The following ABHD12B variants were observed in gnomAD, a reference collection of about 807,000 sequenced individuals.
ABHD12B encodes abhydrolase domain containing 12B, also known as protein ABHD12B.
A neutral mutation model predicts 50.4 loss-of-function variants in ABHD12B; 42 were observed. That is an observed-to-expected ratio of 0.83 (90% CI 0.65 to 1.08). The LOEUF is 1.08. Ranked by LOEUF, ABHD12B falls within the 50% of genes least tolerant of loss-of-function variation. The pLI, the probability that ABHD12B is intolerant of heterozygous loss-of-function variation, is 0.00. For missense variants in ABHD12B, 479 were observed against 447.7 expected (o/e 1.07, Z -0.63); for synonymous variants, 167 against 160.3 (o/e 1.04, Z -0.32).
intron 4 of ABHD12B, 86 bp from the exon 5 acceptor site, chr14:50,881,510 A>G (rs1190564062): frequency 6.9e-7 from 1 of 1,452,906 alleles, no homozygotes; most frequent in East Asian, 2.3e-5. Flanking sequence ...ATCAGATACC[A>G]GCAGCACGAG....
rs1351795018 is a variant in ABHD12B, at chr14:50,884,719, T to C, written c.487-895T>C. On this transcript the variant is annotated intron_variant, in intron 5 of 12. Coordinates refer to ENST00000337334, the MANE Select transcript of ABHD12B (RefSeq NM_001206673.2). ...TATTTCTTCTTTTTTTTTTTTTTTT[T>C]TTTTTTTTTTTTTTTGAGACAGAGT... Among the ~76,000 whole-genome samples, 21 of 137,860 alleles carry C rather than the reference T, an allele frequency of 1.5e-4. 3 individuals are homozygous for C. The highest frequency in any genetic ancestry group is 4.2e-4 in the East Asian group (2 of 4,810). The allele number at this position is 137,860 out of a possible 152,430, so 90.4% of individuals were successfully genotyped here.
chr14:50,882,650 G>A (rs1018910602), intron 5 of ABHD12B, among the ~76,000 whole-genome samples: 1 of 151,884 alleles, frequency 6.6e-6, no homozygotes, highest in Non-Finnish European at 1.5e-5. Context: ...AGAGTGCTGG[G>A]ATTACAGGCA....
chr14:50,894,932 C>T (rs1566492746), intron 9 of ABHD12B, among the ~76,000 whole-genome samples: 1 of 149,224 alleles, frequency 6.7e-6, no homozygotes, highest in Non-Finnish European at 1.5e-5. Context: ...CGCCTCCCCT[C>T]CTCACACCTG....
At position 50,872,227 on chromosome 14, in the gene ABHD12B, C is replaced by G. The variant is rs2049795023; in HGVS notation, c.53C>G (p.Pro18Arg). Residue 18 changes from proline (P) to arginine (R), a missense_variant, in exon 1 of 13, where the codon CCA becomes CGA. Coordinates refer to ENST00000337334, the MANE Select transcript of ABHD12B (RefSeq NM_001206673.2). Reference sequence around the variant, plus strand: ...GCATCGCCCGAGCCGCCCGGGCCCCCAGCCCGTAGCTGCGTGGCCGCCTGG... The same window carrying G: ...GCATCGCCCGAGCCGCCCGGGCCCCGAGCCCGTAGCTGCGTGGCCGCCTGG... ...AAASPEPPGPPARSCVAAWWD... is the reference protein window; with the variant it reads ...AAASPEPPGPRARSCVAAWWD... 2 of 1,391,868 alleles carry G rather than the reference C, an allele frequency of 1.4e-6. No individual in the cohort carries two copies. Among genetic ancestry groups the G allele is most frequent in the East Asian group, 3.1e-5 (1 of 32,394 alleles). 86.2% of individuals were successfully genotyped at this position (1,391,868 alleles called of 1,614,324 possible). A position where few individuals can be genotyped will look rare whatever the true frequency, so the allele number is the denominator to read the frequency against.
intron 9 of ABHD12B, among the ~76,000 whole-genome samples, chr14:50,898,166 C>T (rs749913265): frequency 3.3e-5 from 5 of 152,194 alleles, no homozygotes; most frequent in African/African-American, 9.7e-5. Flanking sequence ...CTTTCGCACT[C>T]GTTATTCTTT....
intron 1 of ABHD12B, among the ~76,000 whole-genome samples, chr14:50,873,552 C>T (rs1408951920): frequency 6.6e-6 from 1 of 152,180 alleles, no homozygotes; most frequent in East Asian, 1.9e-4. Context: ...TTGCAGACAG[C>T]AGAGTGCTGG....
intron 5 of ABHD12B, among the ~76,000 whole-genome samples, chr14:50,884,377 G>A (rs976726486): frequency 6.6e-6 from 1 of 152,140 alleles, no homozygotes. Flanking sequence ...ATATGTAAAA[G>A]GTATATTTAG....
intron 9 of ABHD12B, among the ~76,000 whole-genome samples, chr14:50,898,117 T>C (rs764820715): frequency 6.6e-6 from 1 of 152,246 alleles, no homozygotes; most frequent in Non-Finnish European, 1.5e-5. Flanking sequence ...TTCTACGTTA[T>C]AAACTGCCTG....
chr14:50,875,514 G>T (rs76380835), intron 1 of ABHD12B, among the ~76,000 whole-genome samples: 2 of 152,166 alleles, frequency 1.3e-5, no homozygotes, highest in African/African-American at 4.8e-5. Context: ...CCTGTGGGAC[G>T]CTGTGTGGTT....
chr14:50,888,897 G>A lies in ABHD12B; in HGVS notation c.774G>A (p.Leu258=), dbSNP rs2050078686. The A allele has an allele frequency of 6.2e-7, 1 of 1,613,772 alleles. No individual in the cohort carries two copies. The highest frequency in any genetic ancestry group is 8.5e-7 in the Non-Finnish European group (1 of 1,179,872). The change falls in exon 9 of 13, where the codon TTG becomes TTA. Residue 258 remains leucine, a synonymous_variant. Transcript: ENST00000337334. ...NMWVASINYP[L]LKIYRNIPGF... ...GGGTTGCAAGTATCAATTATCCCTT[G>A]TTAAAGGTGAGACTCTGATTCATCT...
rs975934934 is a variant in ABHD12B, at chr14:50,883,114, T to C, written c.486+1488T>C. ...GGGACAGCCCCTGTGTTTCCAGGTA[T>C]GCAGAAGATGGCAGGCTTTCCACTT... On this transcript the variant is annotated intron_variant, in intron 5 of 12. Coordinates refer to ENST00000337334, the MANE Select transcript of ABHD12B (RefSeq NM_001206673.2). 3.3e-5 allele frequency among the ~76,000 whole-genome samples: 5 copies of C among 152,308 alleles called. No individual in the cohort carries two copies. In the South Asian group the frequency reaches 8.3e-4, roughly 25 times the overall value.
At chr14:50,878,885 GCAGGTGTTC>G in intron 3 of ABHD12B, 38 bp downstream of exon 3, 2 of 1,551,304 alleles carry the variant, frequency 1.3e-6, no homozygotes, top group Non-Finnish European at 1.8e-6. Context: ...GCTTGATGGG[GCAGGTGTTC>G]CTGTTAGGAC....
intron 1 of ABHD12B, among the ~76,000 whole-genome samples, chr14:50,877,331 G>T (rs1032390408): frequency 6.6e-6 from 1 of 152,184 alleles, no homozygotes; most frequent in African/African-American, 2.4e-5. Context: ...ATTAAAAACT[G>T]CAGCAACTGT....
chr14:50,882,373 C>CTTTTTTTTTTTTTTTTTTTTTTTTTT (rs386381352), intron 5 of ABHD12B, among the ~76,000 whole-genome samples: 6 of 81,834 alleles, frequency 7.3e-5, no homozygotes, highest in African/African-American at 3.1e-4. Flanking sequence ...AGAATGTCTG[C>CTTTTTTTTTTTTTTTTTTTTTTTTTT]TTTTTTTTTT....
At chr14:50,886,837 T>C (rs530173354) in intron 8 of ABHD12B, among the ~76,000 whole-genome samples, 153 bp downstream of exon 8, 1 of 152,238 alleles carries the variant, frequency 6.6e-6, no homozygotes, top group South Asian at 2.1e-4. Flanking sequence ...TTCTTTTTGA[T>C]CTCCCTTTAA....
Position 50,892,416 on chromosome 14 carries a change from G to C in ABHD12B, c.780+3513G>C, listed in dbSNP as rs951027363. The C allele has an allele frequency of 6.3e-5, 62 of 985,304 alleles. No homozygotes were observed. In the Admixed American group the frequency reaches 3.5e-3, roughly 56 times the overall value. 61.0% of individuals were successfully genotyped at this position (985,304 alleles called of 1,614,324 possible). On this transcript the variant is annotated intron_variant, in intron 9 of 12. Coordinates refer to ENST00000337334, the MANE Select transcript of ABHD12B (RefSeq NM_001206673.2). The stretch of plus-strand genomic sequence containing the variant: ...AGTCTAGCTTTGGCCTGATTCAGGC[G>C]GGGTGCTAAGCTTTGAAGCAAAGGG...
intron 9 of ABHD12B, among the ~76,000 whole-genome samples, chr14:50,901,465 A>C (rs1204737452): frequency 2.6e-5 from 4 of 152,232 alleles, no homozygotes; most frequent in African/African-American, 9.6e-5. Context: ...GACTAATCAG[A>C]ATATTCTGTC....
At chr14:50,873,820 T>C (rs1343946274) in intron 1 of ABHD12B, among the ~76,000 whole-genome samples, 4 of 152,192 alleles carry the variant, frequency 2.6e-5, no homozygotes, top group African/African-American at 9.7e-5. Flanking sequence ...TTGCACATCA[T>C]ACTCATAGAG....
intron 5 of ABHD12B, among the ~76,000 whole-genome samples, chr14:50,882,232 G>C (rs915262809): frequency 7.6e-6 from 1 of 131,860 alleles, no homozygotes; most frequent in African/African-American, 2.9e-5. Context: ...CACCTCACCC[G>C]GCTGACGTTT....
Sources: gnomAD v4.1 joint callset for allele counts (sites outside exome capture counted in the v4.1 genomes callset) on GRCh38, gnomAD v4.1.1 for gene constraint, MANE v1.5 for transcripts, NCBI Gene and HGNC (gene_info 2026-07-23, HGNC 2026-07-21) for gene names.